The following ARAP1 variants were observed in gnomAD, a reference collection of about 807,000 sequenced individuals.
ARAP1 encodes arf-GAP with Rho-GAP domain, ANK repeat and PH domain-containing protein 1.
Under a neutral mutation model 172.2 loss-of-function variants are expected in ARAP1, and 76 were observed. The ratio of observed to expected loss-of-function variants is 0.44; its 90% CI spans 0.37 to 0.53. The LOEUF (loss-of-function observed/expected upper bound fraction) is 0.53. Among genes scored for constraint, ARAP1 ranks in the 20% least tolerant of loss-of-function variants. ARAP1 has a pLI of 0.00. For synonymous variants in ARAP1, 804 were observed against 803.3 expected, an observed-to-expected ratio of 1.00 and a Z score of -0.01; for missense variants, 1,686 against 1,977.5, an observed-to-expected ratio of 0.85 and a Z score of 2.80.
intron 12 of ARAP1, 95 bp downstream of exon 12, chr11:72,707,080 T>G: frequency 7.6e-7 from 1 of 1,318,462 alleles, no homozygotes; most frequent in South Asian, 1.6e-5. Flanking sequence ...GAGTGCTGTC[T>G]CCGCTCCAGG....
intron 8 of ARAP1, 52 bp downstream of exon 8, chr11:72,711,378 G>A: frequency 6.3e-7 from 1 of 1,583,996 alleles, no homozygotes; most frequent in South Asian, 1.1e-5. Flanking sequence ...TCCAGTGTTG[G>A]GGCCAGCCTA....
At chr11:72,697,721 G>A (rs1378485615) in intron 19 of ARAP1, 72 bp from the exon 20 acceptor site, 2 of 1,595,836 alleles carry the variant, frequency 1.3e-6, no homozygotes, top group African/African-American at 1.3e-5. Flanking sequence ...CCCTCTGTGA[G>A]CACACACACA....
intron 1 of ARAP1, among the ~76,000 whole-genome samples, chr11:72,737,986 G>A (rs1023566727): frequency 2.0e-5 from 3 of 152,212 alleles, no homozygotes; most frequent in Non-Finnish European, 4.4e-5. Flanking sequence ...TGTCATGGAA[G>A]CTGTGTGAGG....
At chr11:72,696,017 C>T in intron 23 of ARAP1, 152 bp from the exon 24 acceptor site, 1 of 1,013,598 alleles carries the variant, frequency 9.9e-7, no homozygotes, top group Non-Finnish European at 1.4e-6. Context: ...TATCTTGGGT[C>T]CTGGTAGGAG....
chr11:72,708,105 C>A (rs1856847425), intron 11 of ARAP1: 1 of 151,960 alleles, frequency 6.6e-6, no homozygotes. Flanking sequence ...TTTAAAAAGA[C>A]CCCTCTGGCT....
intron 4 of ARAP1, 54 bp from the exon 5 acceptor site, chr11:72,713,297 TG>T: frequency 6.5e-7 from 1 of 1,532,390 alleles, no homozygotes; most frequent in African/African-American, 1.4e-5. Context: ...CCTCCTCTCC[TG>T]GGGCACCACA....
chr11:72,709,348 G>A (rs956602272), intron 11 of ARAP1, among the ~76,000 whole-genome samples: 1 of 152,250 alleles, frequency 6.6e-6, no homozygotes, highest in East Asian at 1.9e-4. Context: ...AGTCAGTGGT[G>A]GACCCAGGAT....
In ARAP1 at chr11:72,710,330, C is replaced by T. The variant is rs1352075751; in HGVS notation, c.1416+55G>A. 3 of 1,601,468 alleles carry T rather than the reference C, an allele frequency of 1.9e-6. No homozygotes were observed. The highest frequency in any genetic ancestry group is 2.6e-6 in the Non-Finnish European group (3 of 1,170,880). ...GGCAGGGCTAAGGCCCTAGGTCAGCCTGGGGCAGGGTAGGTGGACATGGGC... is the reference window on the plus strand; with the variant it reads ...GGCAGGGCTAAGGCCCTAGGTCAGCTTGGGGCAGGGTAGGTGGACATGGGC... On this transcript the variant is annotated intron_variant, in intron 10 of 34. Transcript: ENST00000393609. The surrounding 1 kb of genome is among the most constrained non-coding windows in gnomAD (Gnocchi z 4.3).
intron 1 of ARAP1, among the ~76,000 whole-genome samples, chr11:72,739,976 A>G (rs1309792311): frequency 6.6e-6 from 1 of 152,186 alleles, no homozygotes; most frequent in Non-Finnish European, 1.5e-5. Flanking sequence ...CTCCCATCAT[A>G]CAATGAACTC....
Position 72,693,611 on chromosome 11 carries a change from C to T in ARAP1, c.3808+81G>A. On this transcript the variant is annotated intron_variant, in intron 28 of 34. Coordinates refer to ENST00000393609, the MANE Select transcript of ARAP1 (RefSeq NM_001040118.3). The surrounding 1 kb of genome is among the most constrained non-coding windows in gnomAD (Gnocchi z 4.6). ...TTGGCGCCCTCTGTCTGAGCTGTTC[C>T]TACCTGGCACCACCAGGTCCCACCC... 1 of 1,533,244 alleles carries T rather than the reference C, an allele frequency of 6.5e-7. No individual in the cohort carries two copies. The highest frequency in any genetic ancestry group is 8.8e-7 in the Non-Finnish European group (1 of 1,133,974). The allele number at this position is 1,533,244 out of a possible 1,614,324, so 95.0% of individuals were successfully genotyped here. A position where few individuals can be genotyped will look rare whatever the true frequency, so the allele number is the denominator to read the frequency against.
rs376689751 is a variant in ARAP1, at chr11:72,693,480, G to A, written c.3809-10C>T. On this transcript the variant is annotated splice_polypyrimidine_tract_variant and intron_variant, in intron 28 of 34. Coordinates refer to ENST00000393609, the MANE Select transcript of ARAP1 (RefSeq NM_001040118.3). The surrounding 1 kb of genome is among the most constrained non-coding windows in gnomAD (Gnocchi z 4.6). ...TCACCGACACGGCTGGCTGGGGGGTGGGACTGGAGTGGGCACAGGCTGCAC... is the reference window on the plus strand; with the variant it reads ...TCACCGACACGGCTGGCTGGGGGGTAGGACTGGAGTGGGCACAGGCTGCAC... 8 of 1,611,292 alleles carry A rather than the reference G, an allele frequency of 5.0e-6. No homozygotes were observed. The highest frequency in any genetic ancestry group is 6.8e-6 in the Non-Finnish European group (8 of 1,178,248).
rs1856363020 is a variant in ARAP1 at position 72,699,261 on chromosome 11, T to A, written c.2439-154A>T. Among the ~76,000 whole-genome samples, 1 of 152,196 alleles carries A rather than the reference T, an allele frequency of 6.6e-6. No homozygotes were observed. The highest frequency in any genetic ancestry group is 2.4e-5 in the African/African-American group (1 of 41,438). ...AAGAGGTGGTGGAAAAGTCTTGGGC[T>A]GGGGCCTCAAGAGACTGGAGTCGGC... On this transcript the variant is annotated intron_variant, in intron 17 of 34. Coordinates refer to ENST00000393609, the MANE Select transcript of ARAP1 (RefSeq NM_001040118.3). This position sits in a 1 kb window ranked among gnomAD's most constrained non-coding sequence, Gnocchi z 4.2.
In ARAP1 at chr11:72,727,966, G is replaced by C. The variant is rs143508395; in HGVS notation, c.-44-794C>G. On this transcript the variant is annotated intron_variant, in intron 2 of 34. Transcript: ENST00000393609. ...AGCAGATCAAAGGGAAAAGTCATCT[G>C]ATTATCTCCACAGACACTAAAGAGG... is the stretch of plus-strand genomic sequence containing the variant. Among the ~76,000 whole-genome samples, 12 of 152,288 alleles carry C rather than the reference G, an allele frequency of 7.9e-5. No individual in the cohort carries two copies. The East Asian group carries it at 2.3e-3, about 29-fold the overall frequency.
rs892298800 is a variant in ARAP1 at position 72,695,165 on chromosome 11, T to A, written c.3577-68A>T. 1.3e-6 allele frequency: 2 copies of A among 1,530,220 alleles called. No individual in the cohort carries two copies. Among genetic ancestry groups the A allele is most frequent in the Non-Finnish European group, 1.8e-6 (2 of 1,110,890 alleles). 94.8% of individuals were successfully genotyped at this position (1,530,220 alleles called of 1,614,324 possible). On this transcript the variant is annotated intron_variant, in intron 26 of 34. Transcript: ENST00000393609. This position sits in a 1 kb window ranked among gnomAD's most constrained non-coding sequence, Gnocchi z 4.4. ...CCTGCTCTGCCACAACCTTGCTATG[T>A]GACTCAGAGCCTGAGCCCATCCTTC...
At chr11:72,703,415 G>GGGCGGC (rs1555013480) in intron 14 of ARAP1, 16 of 145,428 alleles carry the variant, frequency 1.1e-4, no homozygotes, top group East Asian at 4.7e-4. Context: ...AGCCGGGGGG[G>GGGCGGC]GGGTGTGCTT....
At position 72,732,578 on chromosome 11, in the gene ARAP1, A is replaced by G. The variant is rs1447465699; in HGVS notation, c.-108T>C. 3 of 152,326 alleles carry G rather than the reference A, an allele frequency of 2.0e-5. No homozygotes were observed. Among genetic ancestry groups the G allele is most frequent in the African/African-American group, 7.2e-5 (3 of 41,450 alleles). 9.4% of individuals were successfully genotyped at this position (152,326 alleles called of 1,614,324 possible). A position where few individuals can be genotyped will look rare whatever the true frequency, so the allele number is the denominator to read the frequency against. ...CAGCAGCTATTCTGAAGGGCTCCTC[A>G]TCTCGGCCTGAGGCGGGAGCTGCAA... is the stretch of plus-strand genomic sequence containing the variant. On this transcript the variant is annotated 5_prime_UTR_variant, in exon 2 of 35. It removes an upstream start codon present in the reference 5' UTR. Coordinates refer to ENST00000393609, the MANE Select transcript of ARAP1 (RefSeq NM_001040118.3).
chr11:72,707,895 T>C (rs1856841155), intron 11 of ARAP1, among the ~76,000 whole-genome samples: 1 of 151,766 alleles, frequency 6.6e-6, no homozygotes. Flanking sequence ...TACAGAGATG[T>C]CTTTAAAAGA....
At position 72,693,355 on chromosome 11, in the gene ARAP1, G is replaced by T. The variant is rs200975119; in HGVS notation, c.3924C>A (p.Ser1308Arg). 1 of 1,613,920 alleles carries T rather than the reference G, an allele frequency of 6.2e-7. No homozygotes were observed. Among genetic ancestry groups the T allele is most frequent in the Non-Finnish European group, 8.5e-7 (1 of 1,179,848 alleles). The change falls in exon 29 of 35, where the codon AGC becomes AGA. Residue 1308 changes from serine to arginine, a missense_variant. By Grantham distance (110) the Ser-to-Arg change is moderately radical. Coordinates refer to ENST00000393609, the MANE Select transcript of ARAP1 (RefSeq NM_001040118.3). This position sits in a 1 kb window ranked among gnomAD's most constrained non-coding sequence, Gnocchi z 4.6. Reference sequence around the variant, plus strand: ...CCTCCTTGTAGAGCCGCAAGCAGCTGCTGTTGAGGATGAAGTAGCGATCGT... The same window carrying T: ...CCTCCTTGTAGAGCCGCAAGCAGCTTCTGTTGAGGATGAAGTAGCGATCGT... ...GFHDRYFILN[S>R]SCLRLYKEVR...
chr11:72,701,581 T>C, intron 16 of ARAP1, 68 bp downstream of exon 16: 1 of 1,554,962 alleles, frequency 6.4e-7, no homozygotes, highest in Non-Finnish European at 8.7e-7. Flanking sequence ...TGGCCAGCCC[T>C]GGCTTCCCTA....
Sources: gnomAD v4.1 joint callset for allele counts (sites outside exome capture counted in the v4.1 genomes callset) on GRCh38, gnomAD v4.1.1 for gene constraint, Gnocchi (gnomAD v3.1) non-coding constraint, MANE v1.5 for transcripts, NCBI Gene and HGNC (gene_info 2026-07-23, HGNC 2026-07-21) for gene names.